The following MIGA1 variants were observed in gnomAD, a reference collection of about 807,000 sequenced individuals.
The protein encoded by MIGA1 is mitoguardin 1.
In MIGA1, 58 loss-of-function variants were observed where a neutral mutation model predicts 82.0. The observed-to-expected ratio is 0.71, with a 90% confidence interval of 0.57 to 0.88. The LOEUF is 0.88. MIGA1 is among the 40% of genes least tolerant of loss of function. The pLI, the probability that MIGA1 is intolerant of heterozygous loss-of-function variation, is 0.00. For synonymous variants in MIGA1, 249 were observed against 253.6 expected (o/e 0.98, Z 0.17); for missense variants, 751 against 749.1 (o/e 1.00, Z -0.03).
rs199799238 is a variant in MIGA1, at chr1:77,807,079, T to C, written c.615T>C (p.Thr205=). 2.5e-6 allele frequency: 4 copies of C among 1,592,194 alleles called. No individual in the cohort carries two copies. The East Asian group carries it at 6.7e-5, about 27-fold the overall frequency. Residue 205 remains threonine, a synonymous_variant, in exon 5 of 16, where the codon ACT becomes ACC. Transcript: ENST00000370791. ...AACTTGTTAATATTCCTGTGACTAC[T>C]CCAGAGAACTTATACTTAATGGGTA...
At chr1:77,813,257 C>T (rs1231310291) in intron 5 of MIGA1, among the ~76,000 whole-genome samples, 2 of 152,152 alleles carry the variant, frequency 1.3e-5, no homozygotes, top group Non-Finnish European at 2.9e-5. Context: ...GCTGGGATTA[C>T]AGTCATGAGC....
intron 2 of MIGA1, among the ~76,000 whole-genome samples, chr1:77,790,220 A>G (rs569187244): frequency 6.6e-6 from 1 of 152,312 alleles, no homozygotes; most frequent in South Asian, 2.1e-4. Context: ...CTCTATCAAG[A>G]TCCAGAACTC....
At chr1:77,856,291 T>C (rs1467357701) in intron 8 of MIGA1, among the ~76,000 whole-genome samples, 1 of 152,228 alleles carries the variant, frequency 6.6e-6, no homozygotes, top group Non-Finnish European at 1.5e-5. Context: ...TGGATTCAAT[T>C]AGCTAGTGTT....
At chr1:77,859,993 C>A in intron 10 of MIGA1, 47 bp from the exon 11 acceptor site, 2 of 1,237,084 alleles carry the variant, frequency 1.6e-6, no homozygotes, top group Non-Finnish European at 2.3e-6. Flanking sequence ...TGTCCATTCA[C>A]ATTCATTATA....
intron 7 of MIGA1, among the ~76,000 whole-genome samples, chr1:77,826,188 CT>C (rs1170914906): frequency 1.3e-5 from 2 of 151,998 alleles, no homozygotes; most frequent in Non-Finnish European, 2.9e-5. Flanking sequence ...AGACAACATT[CT>C]TTTTTTCTGG....
chr1:77,794,506 A>T (rs1682572937), intron 2 of MIGA1, among the ~76,000 whole-genome samples: 2 of 152,192 alleles, frequency 1.3e-5, no homozygotes, highest in Admixed American at 6.5e-5. Context: ...GATTCAAGTT[A>T]TGCATTTTTG....
At chr1:77,782,497 T>C (rs1014280403) in intron 1 of MIGA1, among the ~76,000 whole-genome samples, 10 of 152,182 alleles carry the variant, frequency 6.6e-5, no homozygotes, top group African/African-American at 2.4e-4. Flanking sequence ...ATCAATACCA[T>C]GTAAATTTGT....
At chr1:77,826,637 A>T (rs114787067) in intron 7 of MIGA1, among the ~76,000 whole-genome samples, 2,893 of 152,128 alleles carry the variant, frequency 0.019, 55 homozygotes, top group Middle Eastern at 0.088. Flanking sequence ...TACCATGACT[A>T]GCTAATTTTT....
At chr1:77,822,836 T>TTG (rs1491412451) in intron 7 of MIGA1, among the ~76,000 whole-genome samples, 5 of 114,280 alleles carry the variant, frequency 4.4e-5, no homozygotes, top group Non-Finnish European at 9.2e-5. Flanking sequence ...TTTCAGCATG[T>TTG]TTTTTTTTTT....
intron 13 of MIGA1, among the ~76,000 whole-genome samples, chr1:77,865,025 A>G (rs1685610636): frequency 1.3e-5 from 2 of 152,200 alleles, no homozygotes; most frequent in African/African-American, 2.4e-5. Context: ...TTTTGCCTCA[A>G]TTAAGTATGT....
intron 1 of MIGA1, 78 bp from the exon 2 acceptor site, chr1:77,783,159 AT>A: frequency 1.1e-6 from 1 of 924,226 alleles, no homozygotes; most frequent in Non-Finnish European, 1.6e-6. Context: ...ATAGAATTAA[AT>A]TTTCAGTTTG....
intron 7 of MIGA1, among the ~76,000 whole-genome samples, chr1:77,824,983 C>CTTTTTTTTT (rs11375207): frequency 8.7e-5 from 9 of 103,142 alleles, no homozygotes; most frequent in East Asian, 3.2e-4. Flanking sequence ...TTCTATTCCT[C>CTTTTTTTTT]TTTTTTTTTT....
chr1:77,779,923 C>A (rs538790014), intron 1 of MIGA1, 187 bp downstream of exon 1: 2 of 1,381,960 alleles, frequency 1.4e-6, no homozygotes, highest in Non-Finnish European at 1.9e-6. Flanking sequence ...ACCCTGAACA[C>A]CCCCGACCTC....
At position 77,848,062 on chromosome 1, in the gene MIGA1, C is replaced by T. The variant is rs558256714; in HGVS notation, c.996+4655C>T. 40 of 1,285,278 alleles carry T rather than the reference C, an allele frequency of 3.1e-5. No individual in the cohort carries two copies. In the East Asian group the frequency reaches 8.3e-4, roughly 27 times the overall value. 79.6% of individuals were successfully genotyped at this position (1,285,278 alleles called of 1,614,324 possible). ...CACCACACGAAAGGATCACGAACAT[C>T]GAGAGGACACGAGAAAAGGGAAGAT... On this transcript the variant is annotated intron_variant, in intron 8 of 15. Transcript: ENST00000370791.
chr1:77,851,907 T>C (rs1381590327), intron 8 of MIGA1, among the ~76,000 whole-genome samples: 2 of 150,186 alleles, frequency 1.3e-5, no homozygotes, highest in African/African-American at 2.5e-5. Flanking sequence ...GACAGAGTCT[T>C]ACTCTGTCAC....
intron 7 of MIGA1, among the ~76,000 whole-genome samples, chr1:77,826,394 A>G (rs1684028592): frequency 6.6e-6 from 1 of 152,208 alleles, no homozygotes; most frequent in South Asian, 2.1e-4. Context: ...ATTTTCCCTC[A>G]TCTCTGACCT....
intron 7 of MIGA1, among the ~76,000 whole-genome samples, chr1:77,815,945 T>C (rs971287578): frequency 6.6e-6 from 1 of 152,016 alleles, no homozygotes; most frequent in African/African-American, 2.4e-5. Flanking sequence ...TCTTTTTTTC[T>C]TTTTTTCTTT....
At chr1:77,780,081 C>T (rs1453805714) in intron 1 of MIGA1, 2 of 1,038,798 alleles carry the variant, frequency 1.9e-6, no homozygotes, top group South Asian at 4.0e-5. Context: ...AGGGTCTGGA[C>T]GGCCGAGCTG....
At chr1:77,808,410 T>C (rs933094866) in intron 5 of MIGA1, among the ~76,000 whole-genome samples, 4 of 152,208 alleles carry the variant, frequency 2.6e-5, no homozygotes, top group Non-Finnish European at 5.9e-5. Context: ...CTACACTATC[T>C]TAACCTAACC....
Sources: allele counts gnomAD v4.1 joint callset (sites outside exome capture counted in the v4.1 genomes callset), GRCh38; gene constraint gnomAD v4.1.1; transcripts MANE v1.5; gene names NCBI Gene and HGNC (gene_info 2026-07-23, HGNC 2026-07-21).